HIVEP3: variants seen among roughly 807,000 people sequenced by gnomAD.
HIVEP3 encodes the protein HIVEP zinc finger 3.
In HIVEP3, 49 loss-of-function variants were observed where a neutral mutation model predicts 152.8. That is an observed-to-expected ratio of 0.32 (90% CI 0.26 to 0.41). The LOEUF is 0.41. Among genes scored for constraint, HIVEP3 ranks in the 10% least tolerant of loss-of-function variants. The probability of loss-of-function intolerance (pLI) is 1.00; values close to 1 mark genes in which losing one functional copy is unlikely to be tolerated. For synonymous variants in HIVEP3, 1,269 were observed against 1,289.0 expected (o/e 0.98, Z 0.33); for missense variants, 2,790 against 3,103.3 (o/e 0.90, Z 2.40).
chr1:41,728,502 C>A (rs1646791431), intron 1 of HIVEP3, among the ~76,000 whole-genome samples: 1 of 152,070 alleles, frequency 6.6e-6, no homozygotes, highest in South Asian at 2.1e-4. Context: ...GAAATGTAAT[C>A]CCAAGGGGAC....
chr1:41,521,733 C>T (rs1294874678), intron 6 of HIVEP3, among the ~76,000 whole-genome samples: 1 of 152,226 alleles, frequency 6.6e-6, no homozygotes, highest in Non-Finnish European at 1.5e-5. Context: ...GAGGCGGAAC[C>T]TCCGATAAAA....
rs1231835630 is a variant in HIVEP3, at chr1:41,628,812, T to C, written c.-585A>G. ...ACGCTGTTCTCTCTGAAAGCCAGCA[T>C]TCATGTCCACTCCTACGGCAGCCAC... On this transcript the variant is annotated 5_prime_UTR_variant, in exon 3 of 9. It removes an upstream start codon present in the reference 5' UTR. Coordinates refer to ENST00000372583, the MANE Select transcript of HIVEP3 (RefSeq NM_024503.5). 3 of 1,231,728 alleles carry C rather than the reference T, an allele frequency of 2.4e-6. No individual in the cohort carries two copies. In the African/African-American group the frequency reaches 4.7e-5, roughly 19 times the overall value. 76.3% of individuals were successfully genotyped at this position (1,231,728 alleles called of 1,614,324 possible). A position where few individuals can be genotyped will look rare whatever the true frequency, so the allele number is the denominator to read the frequency against.
chr1:41,617,930 G>T (rs900322260), intron 3 of HIVEP3, among the ~76,000 whole-genome samples: 1 of 152,202 alleles, frequency 6.6e-6, no homozygotes, highest in Non-Finnish European at 1.5e-5. Context: ...GGCAATGACC[G>T]CACCAGGCTC....
chr1:41,772,767 G>A (rs529191315), intron 1 of HIVEP3, among the ~76,000 whole-genome samples: 66 of 152,288 alleles, frequency 4.3e-4, no homozygotes, highest in Middle Eastern at 3.4e-3. Flanking sequence ...AAAATTACCC[G>A]GGTGTGGTGG....
At chr1:41,816,013 C>T (rs1336916735) in intron 1 of HIVEP3, among the ~76,000 whole-genome samples, 1 of 152,098 alleles carries the variant, frequency 6.6e-6, no homozygotes, top group Non-Finnish European at 1.5e-5. Flanking sequence ...AGTAAGTCCC[C>T]AAAGAGCTGT....
chr1:41,696,165 C>A (rs767595437), intron 2 of HIVEP3, among the ~76,000 whole-genome samples: 10 of 152,248 alleles, frequency 6.6e-5, no homozygotes, highest in Non-Finnish European at 1.5e-4. Context: ...CCAGTCCACA[C>A]CCCTGAGGGC....
At chr1:41,612,644 T>C (rs1324229026) in intron 3 of HIVEP3, among the ~76,000 whole-genome samples, 1 of 152,194 alleles carries the variant, frequency 6.6e-6, no homozygotes, top group African/African-American at 2.4e-5. Context: ...GTTCCCTGAG[T>C]CCTGCCTAGG....
intron 2 of HIVEP3, among the ~76,000 whole-genome samples, chr1:41,687,444 C>T (rs1425990700): frequency 1.3e-5 from 2 of 152,250 alleles, no homozygotes; most frequent in East Asian, 3.8e-4. Flanking sequence ...CTTTCCACAT[C>T]TCTCCAAACC....
At chr1:41,810,550 C>T (rs1434411765) in intron 1 of HIVEP3, among the ~76,000 whole-genome samples, 1 of 152,228 alleles carries the variant, frequency 6.6e-6, no homozygotes, top group East Asian at 1.9e-4. Flanking sequence ...GAAGCCCACA[C>T]CAGTAGGGGC....
At chr1:41,709,005 G>C (rs1646474200) in intron 1 of HIVEP3, among the ~76,000 whole-genome samples, 1 of 152,162 alleles carries the variant, frequency 6.6e-6, no homozygotes, top group African/African-American at 2.4e-5. Context: ...CCTTTCTCAG[G>C]GGTTCTGGGA....
intron 2 of HIVEP3, among the ~76,000 whole-genome samples, chr1:41,640,309 G>A (rs1253283339): frequency 1.3e-5 from 2 of 152,040 alleles, no homozygotes; most frequent in Non-Finnish European, 2.9e-5. Flanking sequence ...TGTGGGAGGA[G>A]CAGTGAGGTC....
At chr1:41,740,345 G>A (rs574202067) in intron 1 of HIVEP3, among the ~76,000 whole-genome samples, 122 of 152,334 alleles carry the variant, frequency 8.0e-4, no homozygotes, top group Admixed American at 5.4e-3. Flanking sequence ...TAATGTAGGT[G>A]GGACAGGACA....
At chr1:41,730,518 C>T (rs1235726295) in intron 1 of HIVEP3, among the ~76,000 whole-genome samples, 1 of 152,240 alleles carries the variant, frequency 6.6e-6, no homozygotes, top group Non-Finnish European at 1.5e-5. Flanking sequence ...CAGAGCCAGG[C>T]CTGGCAATGC....
At chr1:41,912,849 T>C (rs1423971393) in intron 1 of HIVEP3, among the ~76,000 whole-genome samples, 2 of 152,142 alleles carry the variant, frequency 1.3e-5, no homozygotes, top group African/African-American at 2.4e-5. Flanking sequence ...GGCCAGGGAA[T>C]TGGGGGGAGT....
chr1:41,555,891 C>T (rs991077425), intron 5 of HIVEP3, among the ~76,000 whole-genome samples: 4 of 152,162 alleles, frequency 2.6e-5, no homozygotes, highest in African/African-American at 7.2e-5. Flanking sequence ...AGTATCTGTC[C>T]TTTTTCGTGA....
intron 1 of HIVEP3, among the ~76,000 whole-genome samples, chr1:41,803,996 C>A (rs1011083331): frequency 6.6e-6 from 1 of 152,204 alleles, no homozygotes; most frequent in African/African-American, 2.4e-5. Flanking sequence ...TATGTCCTAA[C>A]CTGTCCATGG....
In HIVEP3 at chr1:41,575,648, A is replaced by G; in HGVS notation, c.5103T>C (p.Asp1701=). Residue 1701 remains aspartate, a synonymous_variant, in exon 5 of 9, where the codon GAT becomes GAC. Coordinates refer to ENST00000372583, the MANE Select transcript of HIVEP3 (RefSeq NM_024503.5). ...CTTCTTCCTTCTCCACTCTAGCTAGATCTTTCTGGCCTTCCGGGGAAACCA... is the reference window on the plus strand; with the variant it reads ...CTTCTTCCTTCTCCACTCTAGCTAGGTCTTTCTGGCCTTCCGGGGAAACCA... The part of the protein sequence containing the change: ...PSLVSPEGQK[D]LARVEKEEER... 6.2e-7 allele frequency: 1 copy of G among 1,614,048 alleles called. No homozygotes were observed. Among genetic ancestry groups the G allele is most frequent in the Non-Finnish European group, 8.5e-7 (1 of 1,179,990 alleles).
intron 7 of HIVEP3, among the ~76,000 whole-genome samples, chr1:41,517,088 T>C (rs748962189): frequency 2.6e-5 from 4 of 152,226 alleles, no homozygotes; most frequent in Non-Finnish European, 4.4e-5. Context: ...TGCATGGATT[T>C]CGTCCTCCGA....
intron 1 of HIVEP3, among the ~76,000 whole-genome samples, chr1:42,028,156 T>A (rs1362066213): frequency 6.6e-6 from 1 of 152,240 alleles, no homozygotes; most frequent in Non-Finnish European, 1.5e-5. Context: ...CTTCTTGGTA[T>A]TTATTATTAT....
Sources: gnomAD v4.1 joint callset for allele counts (sites outside exome capture counted in the v4.1 genomes callset) on GRCh38, gnomAD v4.1.1 for gene constraint, MANE v1.5 for transcripts, NCBI Gene and HGNC (gene_info 2026-07-23, HGNC 2026-07-21) for gene names.